Variants in COG5 observed in about 807,000 individuals in gnomAD.
The protein encoded by COG5 is conserved oligomeric Golgi complex subunit 5.
In COG5, 86 loss-of-function variants were observed where a neutral mutation model predicts 110.4. The observed-to-expected ratio is 0.78, with a 90% CI of 0.65 to 0.93. COG5 has a LOEUF of 0.93. Among genes scored for constraint, COG5 ranks in the 40% least tolerant of loss-of-function variants. The probability of loss-of-function intolerance (pLI) is 0.00; values close to 1 mark genes in which losing one functional copy is unlikely to be tolerated. For synonymous variants in COG5, 360 were observed against 334.6 expected (o/e 1.08, Z -0.83); for missense variants, 1,077 against 987.0 (o/e 1.09, Z -1.22).
intron 7 of COG5, among the ~76,000 whole-genome samples, chr7:107,373,974 A>G (rs9649298): frequency 0.029 from 4,479 of 152,272 alleles, 79 homozygotes; most frequent in Non-Finnish European, 0.046. Flanking sequence ...CTCAGCTTAA[A>G]GAAAATAACA....
chr7:107,467,981 ACT>A (rs1340104845), intron 6 of COG5, among the ~76,000 whole-genome samples: 5 of 152,238 alleles, frequency 3.3e-5, no homozygotes. Flanking sequence ...ACTTGAAAAC[ACT>A]GTCTCACAAA....
intron 1 of COG5, among the ~76,000 whole-genome samples, chr7:107,558,912 C>A (rs889419656): frequency 7.7e-5 from 4 of 51,974 alleles, no homozygotes; most frequent in East Asian, 1.6e-3. Context: ...AAGACTTCAT[C>A]TCAAAAAAAA....
chr7:107,276,683 G>C (rs147863940), intron 14 of COG5, among the ~76,000 whole-genome samples: 163 of 152,140 alleles, frequency 1.1e-3, no homozygotes, highest in African/African-American at 3.8e-3. Context: ...ACTTTCCACT[G>C]TAAGGTCTAG....
intron 7 of COG5, among the ~76,000 whole-genome samples, chr7:107,409,153 A>G (rs13243810): frequency 6.6e-6 from 1 of 151,490 alleles, no homozygotes; most frequent in South Asian, 2.1e-4. Context: ...AAAAGTGGTC[A>G]CACAGAGAGA....
intron 14 of COG5, among the ~76,000 whole-genome samples, chr7:107,276,285 T>C (rs1804697665): frequency 6.6e-6 from 1 of 152,206 alleles, no homozygotes; most frequent in Admixed American, 6.5e-5. Context: ...TTTACAAGCC[T>C]ATAAATTTTA....
chr7:107,453,691 T>C (rs1039329357), intron 6 of COG5, among the ~76,000 whole-genome samples: 2 of 152,132 alleles, frequency 1.3e-5, no homozygotes, highest in Non-Finnish European at 2.9e-5. Context: ...TTACATCACA[T>C]GTTCAAAAAG....
At chr7:107,552,853 T>C (rs899946203) in intron 3 of COG5, among the ~76,000 whole-genome samples, 7 of 152,022 alleles carry the variant, frequency 4.6e-5, no homozygotes, top group East Asian at 1.9e-4. Context: ...AACAAAGACA[T>C]AGAATCAACC....
chr7:107,521,653 G>A (rs199935886), intron 6 of COG5, among the ~76,000 whole-genome samples: 3 of 152,228 alleles, frequency 2.0e-5, no homozygotes, highest in African/African-American at 7.2e-5. Context: ...ATGAGGCTGT[G>A]GAGAAATAGG....
intron 14 of COG5, among the ~76,000 whole-genome samples, chr7:107,269,095 C>G (rs1377376481): frequency 1.3e-5 from 2 of 152,132 alleles, no homozygotes; most frequent in Non-Finnish European, 2.9e-5. Context: ...CTGATAGTTT[C>G]CTTTTTTACC....
At chr7:107,256,437 A>C (rs1354607800) in intron 16 of COG5, among the ~76,000 whole-genome samples, 1 of 152,146 alleles carries the variant, frequency 6.6e-6, no homozygotes, top group Non-Finnish European at 1.5e-5. Context: ...CCACTGCTCT[A>C]CTGGAATAAT....
At chr7:107,207,954 A>C (rs965195873) in intron 21 of COG5, 17 of 985,340 alleles carry the variant, frequency 1.7e-5, no homozygotes, top group Non-Finnish European at 2.0e-5. Flanking sequence ...GAATGAGTAT[A>C]CAACAAGGTT....
intron 6 of COG5, among the ~76,000 whole-genome samples, chr7:107,525,635 C>G (rs2129155384): frequency 6.6e-6 from 1 of 152,196 alleles, no homozygotes; most frequent in Middle Eastern, 3.4e-3. Context: ...TCACTGCAGC[C>G]TCTAACTTGT....
At chr7:107,353,389 C>T (rs1477248289) in intron 10 of COG5, among the ~76,000 whole-genome samples, 1 of 136,670 alleles carries the variant, frequency 7.3e-6, no homozygotes, top group Non-Finnish European at 1.5e-5. Context: ...CCCGCCACTG[C>T]ACTCCAGCCT....
rs979858162 is a variant in COG5 at position 107,394,842 on chromosome 7, T to C, written c.669+17660A>G. On this transcript the variant is annotated intron_variant, in intron 7 of 21. Transcript: ENST00000297135. ...GAAACTCTGAAAGGAAATCCTTGTA[T>C]CATGAGGACTAACAATCACATTTTA... 2.0e-5 allele frequency among the ~76,000 whole-genome samples: 3 copies of C among 152,340 alleles called. No homozygotes were observed. The South Asian group carries it at 6.2e-4, about 32-fold the overall frequency.
At chr7:107,500,869 G>T (rs1798590689) in intron 6 of COG5, among the ~76,000 whole-genome samples, 1 of 116,804 alleles carries the variant, frequency 8.6e-6, no homozygotes, top group African/African-American at 2.6e-5. Context: ...TCCCTGCCCT[G>T]TTGTTTATAC....
At chr7:107,348,691 C>T (rs1181860245) in intron 10 of COG5, among the ~76,000 whole-genome samples, 1 of 152,160 alleles carries the variant, frequency 6.6e-6, no homozygotes, top group Non-Finnish European at 1.5e-5. Flanking sequence ...ATAGTTACCA[C>T]TTGTTAACAC....
intron 6 of COG5, among the ~76,000 whole-genome samples, chr7:107,461,642 T>C (rs530299059): frequency 6.6e-6 from 1 of 152,266 alleles, no homozygotes; most frequent in East Asian, 1.9e-4. Context: ...TATTCAAATA[T>C]AATTCTGTAA....
At chr7:107,480,871 C>G (rs1369992597) in intron 6 of COG5, 6 of 152,106 alleles carry the variant, frequency 3.9e-5, no homozygotes, top group African/African-American at 1.4e-4. Context: ...TTTTTCAGGA[C>G]AAAAAGAGCC....
chr7:107,373,250 C>T (rs540663651), intron 7 of COG5, among the ~76,000 whole-genome samples: 4 of 152,150 alleles, frequency 2.6e-5, no homozygotes, highest in Non-Finnish European at 5.9e-5. Flanking sequence ...CTGTATCTGT[C>T]ATAGCTCTGA....
Sources: gnomAD v4.1 joint callset for allele counts (sites outside exome capture counted in the v4.1 genomes callset) on GRCh38, gnomAD v4.1.1 for gene constraint, MANE v1.5 for transcripts, NCBI Gene and HGNC (gene_info 2026-07-23, HGNC 2026-07-21) for gene names.